PHACTR2: variants seen among roughly 807,000 people sequenced by gnomAD.
PHACTR2 encodes the protein phosphatase and actin regulator 2, also known as chromosome 6 open reading frame 56.
Under a neutral mutation model 76.0 loss-of-function variants are expected in PHACTR2, and 30 were observed. The ratio of observed to expected loss-of-function variants is 0.39; its 90% CI spans 0.30 to 0.54. The LOEUF (loss-of-function observed/expected upper bound fraction) is 0.54. Among genes scored for constraint, PHACTR2 ranks in the 20% least tolerant of loss-of-function variants. The pLI is 0.61. For synonymous variants in PHACTR2, 292 were observed against 292.5 expected (o/e 1.00, Z 0.02); for missense variants, 696 against 781.1 (o/e 0.89, Z 1.30).
Position 143,739,573 on chromosome 6 carries a change from A to C in PHACTR2, c.215-9412A>C, listed in dbSNP as rs1355477793. 1.3e-5 allele frequency among the ~76,000 whole-genome samples: 2 copies of C among 152,186 alleles called. No individual in the cohort carries two copies. Among genetic ancestry groups the C allele is most frequent in the Non-Finnish European group, 2.9e-5 (2 of 68,032 alleles). On this transcript the variant is annotated intron_variant, in intron 2 of 12. Coordinates refer to ENST00000440869, the MANE Select transcript of PHACTR2 (RefSeq NM_001100164.2). The surrounding 1 kb of genome is among the most constrained non-coding windows in gnomAD (Gnocchi z 4.3). Reference sequence around the variant, plus strand: ...CTTTGAACTAGATGAATTCAAAAACACCTGTCTTAGGCATTCGTGTTTCTT... The same window carrying C: ...CTTTGAACTAGATGAATTCAAAAACCCCTGTCTTAGGCATTCGTGTTTCTT...
intron 1 of PHACTR2, among the ~76,000 whole-genome samples, chr6:143,569,621 A>G (rs927531737): frequency 2.6e-5 from 4 of 152,220 alleles, no homozygotes; most frequent in African/African-American, 9.6e-5. Context: ...TGTGGCCTAC[A>G]TACCACTGGT....
Position 143,806,630 on chromosome 6 carries a change from A to G in PHACTR2, c.1846-427A>G, listed in dbSNP as rs1171399982. The stretch of plus-strand genomic sequence containing the variant: ...AGTCTATCATGGTTTTAGTTTGGCT[A>G]TAGTATGATATTATATTTATTACAC... On this transcript the variant is annotated intron_variant, in intron 11 of 12. Transcript: ENST00000440869. The surrounding 1 kb of genome is among the most constrained non-coding windows in gnomAD (Gnocchi z 5.8). Among the ~76,000 whole-genome samples the G allele has an allele frequency of 6.6e-6, 1 of 152,178 alleles. No individual in the cohort carries two copies. Among genetic ancestry groups the G allele is most frequent in the African/African-American group, 2.4e-5 (1 of 41,450 alleles).
chr6:143,746,243 C>T (rs1320389267), intron 2 of PHACTR2, among the ~76,000 whole-genome samples: 1 of 152,082 alleles, frequency 6.6e-6, no homozygotes, highest in Non-Finnish European at 1.5e-5. Flanking sequence ...ATTAGAGGCC[C>T]AGGAACTCAA....
At position 143,800,205 on chromosome 6, in the gene PHACTR2, G is replaced by C. The variant is rs1369053258; in HGVS notation, c.1846-6852G>C. On this transcript the variant is annotated intron_variant, in intron 11 of 12. Coordinates refer to ENST00000440869, the MANE Select transcript of PHACTR2 (RefSeq NM_001100164.2). The surrounding 1 kb of genome is among the most constrained non-coding windows in gnomAD (Gnocchi z 4.8). Reference sequence around the variant, plus strand: ...TTATCAGAGACCAGGATTGCAACCTGTGCTATTTTTTTACTTTCTATTTGC... The same window carrying C: ...TTATCAGAGACCAGGATTGCAACCTCTGCTATTTTTTTACTTTCTATTTGC... 1.3e-5 allele frequency among the ~76,000 whole-genome samples: 2 copies of C among 152,006 alleles called. No individual in the cohort carries two copies. The highest frequency in any genetic ancestry group is 2.9e-5 in the Non-Finnish European group (2 of 67,972).
chr6:143,827,983 A>T lies in PHACTR2; in HGVS notation c.*4294A>T, dbSNP rs1776581286. ...CATGGTGAAACCCTGTCTCTACTGA[A>T]AATACAAAAAAAAAAAAGTATCTGG... On this transcript the variant is annotated 3_prime_UTR_variant, in exon 13 of 13. Coordinates refer to ENST00000440869, the MANE Select transcript of PHACTR2 (RefSeq NM_001100164.2). 6.6e-6 allele frequency: 1 copy of T among 150,824 alleles called. No individual in the cohort carries two copies. Among genetic ancestry groups the T allele is most frequent in the South Asian group, 2.2e-4 (1 of 4,612 alleles). 9.3% of individuals were successfully genotyped at this position (150,824 alleles called of 1,614,324 possible).
chr6:143,613,031 C>T (rs1409086511), intron 1 of PHACTR2, among the ~76,000 whole-genome samples: 2 of 152,198 alleles, frequency 1.3e-5, no homozygotes, highest in African/African-American at 4.8e-5. Context: ...CCCGGGAGTG[C>T]GGTGGCGCAA....
In PHACTR2 at chr6:143,608,231, G is replaced by T; in HGVS notation, c.-79G>T. The T allele has an allele frequency of 1.4e-6, 2 of 1,460,770 alleles. No individual in the cohort carries two copies. The highest frequency in any genetic ancestry group is 1.9e-6 in the Non-Finnish European group (2 of 1,041,958). 90.5% of individuals were successfully genotyped at this position (1,460,770 alleles called of 1,614,324 possible). ...AGCAAGGGCTGATAATCAGCAGAAGGACAGGGTGCTTCGTTAGTCAGAAGA... is the reference window on the plus strand; with the variant it reads ...AGCAAGGGCTGATAATCAGCAGAAGTACAGGGTGCTTCGTTAGTCAGAAGA... On this transcript the variant is annotated 5_prime_UTR_variant, in exon 1 of 12. Transcript: ENST00000305766. This position sits in a 1 kb window ranked among gnomAD's most constrained non-coding sequence, Gnocchi z 4.6.
rs558350215 is a variant in PHACTR2, at chr6:143,625,475, A to T, written c.13+17153A>T. Among the ~76,000 whole-genome samples the T allele has an allele frequency of 5.3e-4, 80 of 152,338 alleles. No homozygotes were observed. Among genetic ancestry groups the T allele is most frequent in the Non-Finnish European group, 1.0e-3 (69 of 68,030 alleles). On this transcript the variant is annotated intron_variant, in intron 1 of 11. Transcript: ENST00000305766. This position sits in a 1 kb window ranked among gnomAD's most constrained non-coding sequence, Gnocchi z 4.3. ...ATACCGTGAAAATAAACTACTCACA[A>T]CATCAAAAAGGATAATAAATATTAT... is the stretch of plus-strand genomic sequence containing the variant.
chr6:143,804,433 T>A (rs910420), intron 11 of PHACTR2, among the ~76,000 whole-genome samples: 89,060 of 151,960 alleles, frequency 0.59, 26,380 homozygotes, highest in East Asian at 0.69. Context: ...CTCTACTGTG[T>A]GCATTTGTTG....
In PHACTR2 at chr6:143,830,425, G is replaced by A. The variant is rs573565725; in HGVS notation, c.*6736G>A. On this transcript the variant is annotated 3_prime_UTR_variant, in exon 13 of 13. Transcript: ENST00000440869. ...CTGACTGAATGCTTTCTGATTTCCA[G>A]TGAGTGATCTAGTTCTACGTATTAC... 1 of 152,136 alleles carries A rather than the reference G, an allele frequency of 6.6e-6. No homozygotes were observed. Among genetic ancestry groups the A allele is most frequent in the African/African-American group, 2.4e-5 (1 of 41,504 alleles). 9.4% of individuals were successfully genotyped at this position (152,136 alleles called of 1,614,324 possible). A position where few individuals can be genotyped will look rare whatever the true frequency, so the allele number is the denominator to read the frequency against.
At chr6:143,749,969 A>C (rs2128469941) in intron 3 of PHACTR2, among the ~76,000 whole-genome samples, 1 of 152,274 alleles carries the variant, frequency 6.6e-6, no homozygotes, top group African/African-American at 2.4e-5. Flanking sequence ...TTAATTTAGA[A>C]TTGAAATTGA....
At position 143,696,447 on chromosome 6, in the gene PHACTR2, C is replaced by T. The variant is rs1413614284; in HGVS notation, c.47-15569C>T. On this transcript the variant is annotated intron_variant, in intron 1 of 12. Transcript: ENST00000440869. This position sits in a 1 kb window ranked among gnomAD's most constrained non-coding sequence, Gnocchi z 4.1. The stretch of plus-strand genomic sequence containing the variant: ...TCTCCATTTTTATTCCCCACAAAAC[C>T]TCTTATCAGCCTTTTTCCACTTGCT... Among the ~76,000 whole-genome samples, 19 of 152,112 alleles carry T rather than the reference C, an allele frequency of 1.2e-4. No homozygotes were observed. The highest frequency in any genetic ancestry group is 1.5e-5 in the Non-Finnish European group (1 of 68,022).
chr6:143,817,783 C>T lies in PHACTR2; in HGVS notation c.1923-5891C>T, dbSNP rs571714526. 3.9e-5 allele frequency among the ~76,000 whole-genome samples: 6 copies of T among 152,230 alleles called. No homozygotes were observed. The South Asian group carries it at 1.2e-3, about 32-fold the overall frequency. ...GATAAACACCACACATTCTCACTTA[C>T]ACATAGAAGCTAAAAAGTTGATCTC... is the stretch of plus-strand genomic sequence containing the variant. On this transcript the variant is annotated intron_variant, in intron 12 of 12. Transcript: ENST00000440869.
At position 143,782,857 on chromosome 6, in the gene PHACTR2, A is replaced by G. The variant is rs1385026928; in HGVS notation, c.1646-362A>G. On this transcript the variant is annotated intron_variant, in intron 9 of 12. Transcript: ENST00000440869. This position sits in a 1 kb window ranked among gnomAD's most constrained non-coding sequence, Gnocchi z 4.6. ...TAAATTTTTATCTGAATTCTGGTAA[A>G]TTGTGCTTATAAGCCCATGAAATGA... Among the ~76,000 whole-genome samples the G allele has an allele frequency of 3.3e-5, 5 of 152,164 alleles. No homozygotes were observed. The highest frequency in any genetic ancestry group is 4.8e-5 in the African/African-American group (2 of 41,424).
chr6:143,674,179 TATAC>T (rs1264001691), upstream of PHACTR2, among the ~76,000 whole-genome samples: 2 of 152,206 alleles, frequency 1.3e-5, no homozygotes, highest in Non-Finnish European at 2.9e-5. This position sits in a 1 kb window ranked among gnomAD's most constrained non-coding sequence, Gnocchi z 4.9. Context: ...ATTAGTTACA[TATAC>T]AGAGTTTTCA....
chr6:143,584,706 A>T (rs765146263), intron 1 of PHACTR2, among the ~76,000 whole-genome samples: 1 of 152,198 alleles, frequency 6.6e-6, no homozygotes, highest in Non-Finnish European at 1.5e-5. Flanking sequence ...CTCTTCACAC[A>T]CAAAACTTGG....
Position 143,810,596 on chromosome 6 carries a change from T to C in PHACTR2, c.1922+3463T>C. 2 of 451,288 alleles carry C rather than the reference T, an allele frequency of 4.4e-6. 1 individual carries two copies. Among genetic ancestry groups the C allele is most frequent in the South Asian group, 3.1e-5 (2 of 63,742 alleles). 28.0% of individuals were successfully genotyped at this position (451,288 alleles called of 1,614,324 possible). A position where few individuals can be genotyped will look rare whatever the true frequency, so the allele number is the denominator to read the frequency against. On this transcript the variant is annotated intron_variant, in intron 12 of 12. Transcript: ENST00000440869. ...TGACTATCCAAAACTTCTGACCAGC[T>C]GAGGCAGGAGGATTGCTTAGCCCAG...
chr6:143,774,059 G>T lies in PHACTR2; in HGVS notation c.1433G>T (p.Ser478Ile), dbSNP rs368750265. ...ATTTCTGCTCTTTTTCAATCCTCAG[G>T]TGCTTTGGCAAGTAAAATACGCCGG... ...EDEDEDGSGE[S>I]ALASKIRRRD... The change falls in exon 8 of 13, where the codon AGT becomes ATT. Residue 478 changes from serine (S) to isoleucine (I), a missense_variant and splice_region_variant. By Grantham distance (142) the Ser-to-Ile change is moderately radical. This residue lies in a region of PHACTR2 where 236 missense variants were observed against 330.2 expected (regional missense o/e 0.71). Coordinates refer to ENST00000440869, the MANE Select transcript of PHACTR2 (RefSeq NM_001100164.2). The surrounding 1 kb of genome is among the most constrained non-coding windows in gnomAD (Gnocchi z 5.4). 6.2e-7 allele frequency: 1 copy of T among 1,612,778 alleles called. No individual in the cohort carries two copies. Among genetic ancestry groups the T allele is most frequent in the Non-Finnish European group, 8.5e-7 (1 of 1,179,460 alleles).
rs1211731408 is a variant in PHACTR2, at chr6:143,774,040, G to T, written c.1433-19G>T. On this transcript the variant is annotated intron_variant, in intron 7 of 12. Transcript: ENST00000440869. The surrounding 1 kb of genome is among the most constrained non-coding windows in gnomAD (Gnocchi z 5.4). ...TAAAAGCCTCTCTCTCTGCATTTCT[G>T]CTCTTTTTCAATCCTCAGGTGCTTT... The T allele has an allele frequency of 6.2e-7, 1 of 1,610,252 alleles. No homozygotes were observed. Among genetic ancestry groups the T allele is most frequent in the Admixed American group, 1.7e-5 (1 of 59,674 alleles).
Sources: gnomAD v4.1 joint callset for allele counts (sites outside exome capture counted in the v4.1 genomes callset) on GRCh38, gnomAD v4.1.1 for gene constraint, gnomAD v4.1.1 regional missense constraint, Gnocchi (gnomAD v3.1) non-coding constraint, MANE v1.5 for transcripts, NCBI Gene and HGNC (gene_info 2026-07-23, HGNC 2026-07-21) for gene names.